Variants in ZNF493 observed in about 807,000 individuals in gnomAD.
The protein encoded by ZNF493 is zinc finger protein 493.
ZNF493 carries 11 observed loss-of-function variants against 12.2 expected under a neutral mutation model. The ratio of observed to expected loss-of-function variants is 0.90; its 90% CI spans 0.57 to 1.50. The LOEUF (loss-of-function observed/expected upper bound fraction) is 1.50. Among genes scored for constraint, ZNF493 ranks in the 40% most tolerant of loss-of-function variants. The pLI is 0.00. For missense variants in ZNF493, 950 were observed against 906.6 expected (o/e 1.05, Z -0.61); for synonymous variants, 286 against 302.6 (o/e 0.95, Z 0.57).
intron 1 of ZNF493, among the ~76,000 whole-genome samples, chr19:21,400,053 A>G (rs2029888667): frequency 6.6e-6 from 1 of 152,202 alleles, no homozygotes; most frequent in African/African-American, 2.4e-5. Flanking sequence ...AGTGGAATTA[A>G]TAGAATAAGA....
intron 3 of ZNF493, among the ~76,000 whole-genome samples, chr19:21,415,626 A>G (rs1018625245): frequency 1.2e-4 from 18 of 152,334 alleles, no homozygotes; most frequent in African/African-American, 4.1e-4. Context: ...CAACCATATA[A>G]TGAATAATGT....
intron 3 of ZNF493, among the ~76,000 whole-genome samples, chr19:21,416,076 A>C (rs2030480997): frequency 6.6e-6 from 1 of 152,212 alleles, no homozygotes; most frequent in African/African-American, 2.4e-5. Flanking sequence ...TAAAGCCTCC[A>C]GTTTCTCTTT....
Position 21,424,500 on chromosome 19 carries a change from C to T in ZNF493, c.1841C>T (p.Ser614Leu). 6.2e-7 allele frequency: 1 copy of T among 1,613,424 alleles called. No homozygotes were observed. Among genetic ancestry groups the T allele is most frequent in the Non-Finnish European group, 8.5e-7 (1 of 1,179,714 alleles). The change falls in exon 4 of 4, where the codon TCA becomes TTA. Residue 614 changes from serine (S) to leucine (L), a missense_variant. Coordinates refer to ENST00000392288, the MANE Select transcript of ZNF493 (RefSeq NM_001076678.3). The part of the protein sequence containing the change: ...EECGKAFNRS[S>L]ILSIHKKIHT... ...TGTGGCAAAGCTTTTAACCGATCTT[C>T]AATCCTTAGTATACATAAGAAAATT...
intron 2 of ZNF493, 84 bp downstream of exon 2, chr19:21,405,339 A>G: frequency 6.5e-7 from 1 of 1,546,344 alleles, no homozygotes; most frequent in Non-Finnish European, 8.7e-7. Context: ...TTGGTAATTT[A>G]TGCTTTGCAT....
Position 21,425,314 on chromosome 19 carries a change from T to C in ZNF493, c.*330T>C. On this transcript the variant is annotated 3_prime_UTR_variant, in exon 4 of 4. Transcript: ENST00000392288. ...AAAGCTTTTAACCACTTCTCAACCC[T>C]GCCTACACGTAAGATAATTCATACT... The C allele has an allele frequency of 2.3e-6, 1 of 432,324 alleles. No individual in the cohort carries two copies. Among genetic ancestry groups the C allele is most frequent in the South Asian group, 2.3e-5 (1 of 43,072 alleles). 26.8% of individuals were successfully genotyped at this position (432,324 alleles called of 1,614,324 possible).
At chr19:21,408,545 GTACAGT>G (rs2030212877) in intron 3 of ZNF493, 10 of 984,328 alleles carry the variant, frequency 1.0e-5, no homozygotes, top group Non-Finnish European at 1.2e-5. Flanking sequence ...CTTTTGATGA[GTACAGT>G]TACAGTCAAA....
chr19:21,412,242 A>T (rs1277978588), intron 3 of ZNF493: 3 of 152,224 alleles, frequency 2.0e-5, no homozygotes, highest in African/African-American at 7.2e-5. Context: ...TGGGAAATGG[A>T]GGGATGGGCC....
chr19:21,416,019 G>A (rs2030478665), intron 3 of ZNF493, among the ~76,000 whole-genome samples: 1 of 152,190 alleles, frequency 6.6e-6, no homozygotes, highest in African/African-American at 2.4e-5. Context: ...AGAGGAAAAT[G>A]TTGGAGCTAT....
At position 21,424,048 on chromosome 19, in the gene ZNF493, T is replaced by C; in HGVS notation, c.1389T>C (p.Cys463=). 6.2e-7 allele frequency: 1 copy of C among 1,613,650 alleles called. No individual in the cohort carries two copies. Among genetic ancestry groups the C allele is most frequent in the Non-Finnish European group, 8.5e-7 (1 of 1,179,798 alleles). The part of the protein sequence containing the change: ...IIHTEEKPYK[C]EECGKAFKRS... ...ATACAGAAGAGAAACCCTACAAATG[T>C]GAAGAATGTGGCAAAGCTTTTAAAC... Residue 463 remains cysteine, a synonymous_variant, in exon 4 of 4, where the codon TGT becomes TGC. Coordinates refer to ENST00000392288, the MANE Select transcript of ZNF493 (RefSeq NM_001076678.3).
Position 21,423,732 on chromosome 19 carries a change from A to G in ZNF493, c.1073A>G (p.Tyr358Cys). The G allele has an allele frequency of 1.2e-6, 2 of 1,613,264 alleles. No homozygotes were observed. The highest frequency in any genetic ancestry group is 2.2e-5 in the East Asian group (1 of 44,720). ...AGATGTGAAGAATATTGCAAAGCTT[A>G]TAAGGAGTCCTCACACCTTACTACA... Reference protein sequence around the residue: ...SHRCEEYCKAYKESSHLTTHK... With the variant: ...SHRCEEYCKACKESSHLTTHK... The change falls in exon 4 of 4, where the codon TAT becomes TGT. Residue 358 changes from tyrosine (Y) to cysteine (C), a missense_variant. By Grantham distance (194) the Tyr-to-Cys change is radical. Transcript: ENST00000392288.
Position 21,424,053 on chromosome 19 carries a change from A to G in ZNF493, c.1394A>G (p.Glu465Gly), listed in dbSNP as rs1481310994. Residue 465 changes from glutamate (E) to glycine (G), a missense_variant, in exon 4 of 4, where the codon GAA becomes GGA. Coordinates refer to ENST00000392288, the MANE Select transcript of ZNF493 (RefSeq NM_001076678.3). Reference protein sequence around the residue: ...HTEEKPYKCEECGKAFKRSST... With the variant: ...HTEEKPYKCEGCGKAFKRSST... Reference sequence around the variant, plus strand: ...GAAGAGAAACCCTACAAATGTGAAGAATGTGGCAAAGCTTTTAAACGATCT... The same window carrying G: ...GAAGAGAAACCCTACAAATGTGAAGGATGTGGCAAAGCTTTTAAACGATCT... 3.1e-6 allele frequency: 5 copies of G among 1,613,578 alleles called. No homozygotes were observed. The highest frequency in any genetic ancestry group is 3.4e-6 in the Non-Finnish European group (4 of 1,179,826).
Position 21,424,472 on chromosome 19 carries a change from G to C in ZNF493, c.1813G>C (p.Glu605Gln). Residue 605 changes from glutamate (E) to glutamine (Q), a missense_variant, in exon 4 of 4, where the codon GAA (glutamate) becomes CAA (glutamine). Glu to Gln is a conservative substitution (Grantham distance 29, BLOSUM62 2). Coordinates refer to ENST00000392288, the MANE Select transcript of ZNF493 (RefSeq NM_001076678.3). ...TGATAAGAAACCCTACAAATGTGAAGAATGTGGCAAAGCTTTTAACCGATC... is the reference window on the plus strand; with the variant it reads ...TGATAAGAAACCCTACAAATGTGAACAATGTGGCAAAGCTTTTAACCGATC... ...HTDKKPYKCEECGKAFNRSSI... is the reference protein window; with the variant it reads ...HTDKKPYKCEQCGKAFNRSSI... 6.2e-7 allele frequency: 1 copy of C among 1,612,750 alleles called. No individual in the cohort carries two copies. The highest frequency in any genetic ancestry group is 8.5e-7 in the Non-Finnish European group (1 of 1,179,606).
At chr19:21,399,392 C>T (rs922803460) in intron 1 of ZNF493, among the ~76,000 whole-genome samples, 6 of 151,630 alleles carry the variant, frequency 4.0e-5, no homozygotes, top group African/African-American at 1.5e-4. Context: ...AATCTCCTGA[C>T]CTCATAATCC....
At chr19:21,410,104 A>G (rs1330278900) in intron 3 of ZNF493, among the ~76,000 whole-genome samples, 5 of 142,480 alleles carry the variant, frequency 3.5e-5, no homozygotes, top group Admixed American at 7.2e-5. Flanking sequence ...AACACTTTTG[A>G]TGTGTTTATA....
At chr19:21,420,584 C>G (rs1271690013) in intron 3 of ZNF493, among the ~76,000 whole-genome samples, 6 of 73,436 alleles carry the variant, frequency 8.2e-5, no homozygotes, top group African/African-American at 3.4e-4. Flanking sequence ...GTATTATACT[C>G]ACTTGATTAT....
intron 1 of ZNF493, among the ~76,000 whole-genome samples, chr19:21,404,253 TTTTTC>T (rs2030042722): frequency 6.6e-6 from 1 of 152,204 alleles, no homozygotes; most frequent in African/African-American, 2.4e-5. Flanking sequence ...ATAAAACTGA[TTTTTC>T]TGTATGGTTA....
At chr19:21,420,278 G>C (rs1449708007) in intron 3 of ZNF493, among the ~76,000 whole-genome samples, 1 of 151,716 alleles carries the variant, frequency 6.6e-6, no homozygotes, top group Non-Finnish European at 1.5e-5. Flanking sequence ...CTGTCTCTTT[G>C]TGTCTTCTTT....
rs760720460 is a variant in ZNF493, at chr19:21,423,270, A to G, written c.611A>G (p.His204Arg). The G allele has an allele frequency of 1.2e-6, 2 of 1,613,812 alleles. No individual in the cohort carries two copies. Among genetic ancestry groups the G allele is most frequent in the Non-Finnish European group, 1.7e-6 (2 of 1,179,860 alleles). The part of the protein sequence containing the change: ...LLHLCQHKRI[H>R]IRENSYRCEE... ...CACCTATGTCAGCATAAAAGAATTCATATTAGAGAGAATTCTTACCGATGT... is the reference window on the plus strand; with the variant it reads ...CACCTATGTCAGCATAAAAGAATTCGTATTAGAGAGAATTCTTACCGATGT... The change falls in exon 4 of 4, where the codon CAT becomes CGT. Residue 204 changes from histidine (H) to arginine (R), a missense_variant. Transcript: ENST00000392288.
intron 3 of ZNF493, 146 bp from the exon 4 acceptor site, chr19:21,422,767 T>G: frequency 1.5e-6 from 1 of 687,070 alleles, no homozygotes; most frequent in Non-Finnish European, 2.2e-6. Context: ...TTAGTATGTT[T>G]TCATTACATA....
Sources: gnomAD v4.1 joint callset for allele counts (sites outside exome capture counted in the v4.1 genomes callset) on GRCh38, gnomAD v4.1.1 for gene constraint, MANE v1.5 for transcripts, NCBI Gene and HGNC (gene_info 2026-07-23, HGNC 2026-07-21) for gene names.